Variants in GTF2H1 observed in about 807,000 individuals in gnomAD.
GTF2H1 encodes the protein general transcription factor IIH subunit 1.
A neutral mutation model predicts 71.2 loss-of-function variants in GTF2H1; 16 were observed. The observed-to-expected ratio is 0.22, with a 90% CI of 0.15 to 0.34. The LOEUF (loss-of-function observed/expected upper bound fraction) is 0.34, where lower values mean the gene tolerates loss of function less well. Among genes scored for constraint, GTF2H1 ranks in the 10% least tolerant of loss-of-function variants. The pLI is 1.00. For missense variants in GTF2H1, 498 were observed against 648.2 expected, an observed-to-expected ratio of 0.77 and a Z score of 2.52; for synonymous variants, 215 against 219.0, an observed-to-expected ratio of 0.98 and a Z score of 0.16.
chr11:18,345,641 G>A (rs980950953), intron 7 of GTF2H1, among the ~76,000 whole-genome samples: 1 of 151,816 alleles, frequency 6.6e-6, no homozygotes, highest in African/African-American at 2.4e-5. Context: ...TGGGATCATA[G>A]GCACACACCA....
intron 9 of GTF2H1, among the ~76,000 whole-genome samples, chr11:18,350,481 C>T (rs1197602000): frequency 1.3e-5 from 2 of 151,728 alleles, no homozygotes; most frequent in African/African-American, 4.8e-5. Flanking sequence ...GGATGTGTTT[C>T]TCTGAGGTCA....
At chr11:18,365,088 A>AC (rs1476902392) in intron 14 of GTF2H1, among the ~76,000 whole-genome samples, 15 of 151,484 alleles carry the variant, frequency 9.9e-5, no homozygotes, top group Non-Finnish European at 1.9e-4. Flanking sequence ...GAAAAAAAAA[A>AC]AAAACCTGGC....
chr11:18,357,819 G>C, intron 11 of GTF2H1, 133 bp from the exon 12 acceptor site: 2 of 698,934 alleles, frequency 2.9e-6, no homozygotes, highest in South Asian at 3.2e-5. Flanking sequence ...TTTGACCACT[G>C]TAAATGATGT....
intron 13 of GTF2H1, among the ~76,000 whole-genome samples, chr11:18,359,117 A>G (rs1590199325): frequency 1.3e-5 from 2 of 152,356 alleles, no homozygotes; most frequent in East Asian, 3.9e-4. Context: ...ATTAAGTAAA[A>G]GATAAAGACC....
rs112027212 is a variant in GTF2H1, at chr11:18,329,645, C to G, written c.-15-3415C>G. ...CCATCTTAACCATCCAACCTCATAT[C>G]CTACTGATCTCATGAACCTTATGCT... On this transcript the variant is annotated intron_variant, in intron 1 of 14. Transcript: ENST00000265963. 7.7e-4 allele frequency among the ~76,000 whole-genome samples: 118 copies of G among 152,332 alleles called. 1 individual carries two copies. The highest frequency in any genetic ancestry group is 2.6e-3 in the African/African-American group (108 of 41,572).
Position 18,339,685 on chromosome 11 carries a change from T to G in GTF2H1, c.607+28T>G, listed in dbSNP as rs776471135. Reference sequence around the variant, plus strand: ...AAGAAGAATCAGTTCTTTCAGATGGTTAAAATATATGGATATATTCTATAG... The same window carrying G: ...AAGAAGAATCAGTTCTTTCAGATGGGTAAAATATATGGATATATTCTATAG... On this transcript the variant is annotated intron_variant, in intron 5 of 14. Coordinates refer to ENST00000265963, the MANE Select transcript of GTF2H1 (RefSeq NM_005316.4). 9 of 1,232,388 alleles carry G rather than the reference T, an allele frequency of 7.3e-6. No homozygotes were observed. In the African/African-American group the frequency reaches 1.3e-4, roughly 18 times the overall value. The allele number at this position is 1,232,388 out of a possible 1,614,324, so 76.3% of individuals were successfully genotyped here. A position where few individuals can be genotyped will look rare whatever the true frequency, so the allele number is the denominator to read the frequency against.
chr11:18,362,317 C>T (rs969690999), intron 14 of GTF2H1, among the ~76,000 whole-genome samples: 2 of 152,114 alleles, frequency 1.3e-5, no homozygotes, highest in Admixed American at 1.3e-4. Context: ...TGCAGGACTG[C>T]AGGACTAGAA....
At position 18,361,835 on chromosome 11, in the gene GTF2H1, C is replaced by T. The variant is rs113012369; in HGVS notation, c.1560+1128C>T. Among the ~76,000 whole-genome samples, 55 of 152,274 alleles carry T rather than the reference C, an allele frequency of 3.6e-4. 1 individual carries two copies. Among genetic ancestry groups the T allele is most frequent in the African/African-American group, 1.2e-3 (48 of 41,566 alleles). ...CTGGGTTCTATTTGGCATCAGCTTC[C>T]CTGATTGTTTACAGTGGGGAAAGTC... On this transcript the variant is annotated intron_variant, in intron 14 of 14. Transcript: ENST00000265963.
chr11:18,326,788 T>G (rs1248655992), intron 1 of GTF2H1, among the ~76,000 whole-genome samples: 1 of 152,184 alleles, frequency 6.6e-6, no homozygotes, highest in African/African-American at 2.4e-5. Flanking sequence ...TAATGAAGTA[T>G]CAACATACTT....
chr11:18,330,460 A>G (rs1444508542), intron 1 of GTF2H1, among the ~76,000 whole-genome samples: 3 of 152,226 alleles, frequency 2.0e-5, no homozygotes, highest in Admixed American at 6.5e-5. Flanking sequence ...ATAGGATTGT[A>G]CTTTTGTTGA....
In GTF2H1 at chr11:18,351,996, T is replaced by C. The variant is rs756826312; in HGVS notation, c.1142+27T>C. 5.2e-6 allele frequency: 6 copies of C among 1,157,108 alleles called. No homozygotes were observed. In the African/African-American group the frequency reaches 9.1e-5, roughly 18 times the overall value. The allele number at this position is 1,157,108 out of a possible 1,614,324, so 71.7% of individuals were successfully genotyped here. On this transcript the variant is annotated intron_variant, in intron 10 of 14. Coordinates refer to ENST00000265963, the MANE Select transcript of GTF2H1 (RefSeq NM_005316.4). ...TAAGTTTGGTCAATATTAAGCAGAA[T>C]AGCTATGTAACAATTCAGTCCAAAA...
At chr11:18,326,675 G>A (rs1864775663) in intron 1 of GTF2H1, among the ~76,000 whole-genome samples, 1 of 151,852 alleles carries the variant, frequency 6.6e-6, no homozygotes, top group African/African-American at 2.4e-5. Context: ...CTTTATTTGT[G>A]CCTGTAAGTC....
intron 9 of GTF2H1, 186 bp downstream of exon 9, chr11:18,348,105 C>T (rs1434504655): frequency 4.9e-6 from 3 of 617,080 alleles, no homozygotes; most frequent in East Asian, 2.8e-5. Flanking sequence ...GCCAACTTTC[C>T]ATTGACTCTA....
At chr11:18,354,054 C>T (rs957154195) in intron 11 of GTF2H1, among the ~76,000 whole-genome samples, 2 of 152,294 alleles carry the variant, frequency 1.3e-5, no homozygotes, top group African/African-American at 4.8e-5. Context: ...TTTTAGTCTC[C>T]TTTAAAATGG....
At chr11:18,360,492 T>C in intron 13 of GTF2H1, 123 bp from the exon 14 acceptor site, 1 of 538,484 alleles carries the variant, frequency 1.9e-6, no homozygotes, top group Non-Finnish European at 3.2e-6. Flanking sequence ...TATATTTTTA[T>C]TTTATTTTTA....
At chr11:18,362,668 C>CT (rs35306497) in intron 14 of GTF2H1, among the ~76,000 whole-genome samples, 161 of 107,922 alleles carry the variant, frequency 1.5e-3, no homozygotes, top group Middle Eastern at 9.3e-3. Flanking sequence ...TTTTCTTTTT[C>CT]TTTTTTTTTT....
chr11:18,350,246 A>C (rs970011559), intron 9 of GTF2H1, among the ~76,000 whole-genome samples: 2 of 152,320 alleles, frequency 1.3e-5, no homozygotes, highest in African/African-American at 4.8e-5. Flanking sequence ...CTTTCATTTA[A>C]GTGTGAAAGT....
chr11:18,333,085 C>T lies in GTF2H1; in HGVS notation c.11C>T (p.Ser4Leu), dbSNP rs1864939380. ...CACCTTCTAGCCACCATGGCAACCT[C>T]ATCTGAAGAAGTTTTGCTGATTGTA... MAT[S>L]SEEVLLIVKK... Residue 4 changes from serine (S) to leucine (L), a missense_variant, in exon 2 of 15, where the codon TCA becomes TTA. Ser to Leu is a moderately radical substitution (Grantham distance 145). This residue lies in a region of GTF2H1 where 216 missense variants were observed against 306.2 expected (regional missense o/e 0.71). Coordinates refer to ENST00000265963, the MANE Select transcript of GTF2H1 (RefSeq NM_005316.4). 4 of 1,611,168 alleles carry T rather than the reference C, an allele frequency of 2.5e-6. No individual in the cohort carries two copies. Among genetic ancestry groups the T allele is most frequent in the Non-Finnish European group, 3.4e-6 (4 of 1,179,502 alleles).
chr11:18,364,084 G>C (rs1015367893), intron 14 of GTF2H1, among the ~76,000 whole-genome samples: 1 of 151,724 alleles, frequency 6.6e-6, no homozygotes, highest in Non-Finnish European at 1.5e-5. Context: ...AAAAAAAAAA[G>C]AAAAGGATGC....
Sources: gnomAD v4.1 joint callset for allele counts (sites outside exome capture counted in the v4.1 genomes callset) on GRCh38, gnomAD v4.1.1 for gene constraint, gnomAD v4.1.1 regional missense constraint, MANE v1.5 for transcripts, NCBI Gene and HGNC (gene_info 2026-07-23, HGNC 2026-07-21) for gene names.